The following TPPP variants were observed in gnomAD, a reference collection of about 807,000 sequenced individuals.
TPPP encodes tubulin polymerization promoting protein.
A neutral mutation model predicts 15.5 loss-of-function variants in TPPP; 6 were observed. The observed-to-expected ratio is 0.39, with a 90% CI of 0.21 to 0.77. TPPP has a LOEUF of 0.77. TPPP is among the 30% of genes least tolerant of loss of function. TPPP has a pLI of 0.42. For synonymous variants in TPPP, 146 were observed against 133.9 expected, an observed-to-expected ratio of 1.09 and a Z score of -0.63; for missense variants, 269 against 307.2, an observed-to-expected ratio of 0.88 and a Z score of 0.93.
intron 1 of TPPP, among the ~76,000 whole-genome samples, chr5:685,918 T>G (rs1342485205): frequency 6.6e-6 from 1 of 152,088 alleles, no homozygotes; most frequent in Non-Finnish European, 1.5e-5. Context: ...TCCAGAGCAC[T>G]ATGGCTGAGT....
intron 2 of TPPP, 116 bp from the exon 3 acceptor site, chr5:666,239 C>T (rs1451328602): frequency 1.6e-6 from 2 of 1,227,890 alleles, no homozygotes; most frequent in East Asian, 2.4e-5. Context: ...AGGCTTCACC[C>T]ACAGGCGGCC....
At chr5:692,528 C>A (rs1345191591) in intron 1 of TPPP, 1 of 972,446 alleles carries the variant, frequency 1.0e-6, no homozygotes, top group African/African-American at 1.8e-5. Context: ...AAACAGCAGC[C>A]CCGCCACTGC....
At chr5:698,327 G>A (rs1231026272), upstream of TPPP, among the ~76,000 whole-genome samples, 1 of 152,064 alleles carries the variant, frequency 6.6e-6, no homozygotes, top group Non-Finnish European at 1.5e-5. Flanking sequence ...AATCAGGCAA[G>A]AGAAAGAAAT....
chr5:671,993 C>A (rs1740239627), intron 2 of TPPP, among the ~76,000 whole-genome samples: 1 of 152,222 alleles, frequency 6.6e-6, no homozygotes, highest in Non-Finnish European at 1.5e-5. Flanking sequence ...GATGGACAGA[C>A]AGGAGGACGT....
chr5:698,878 C>T, the TPPP span, among the ~76,000 whole-genome samples: 2 of 151,944 alleles, frequency 1.3e-5, no homozygotes, highest in Non-Finnish European at 2.9e-5. Context: ...ACACCAATAA[C>T]AATCTGGCCA....
Position 666,013 on chromosome 5 carries a change from T to C in TPPP, c.422A>G (p.His141Arg). 1 of 1,591,766 alleles carries C rather than the reference T, an allele frequency of 6.3e-7. No individual in the cohort carries two copies. ...KSSEEAVREV[H>R]RLIEGKAPII... The stretch of plus-strand genomic sequence containing the variant: ...GGGCGCCTTGCCCTCGATGAGCCTG[T>C]GCACCTCGCGAACGGCCTCCTCGCT... The change falls in exon 3 of 4, where the codon CAC becomes CGC. Residue 141 changes from histidine to arginine, a missense_variant. Physicochemically the swap from His to Arg is conservative, Grantham distance 29. Coordinates refer to ENST00000360578, the MANE Select transcript of TPPP (RefSeq NM_007030.3).
chr5:681,716 A>G (rs1284493692), intron 1 of TPPP, among the ~76,000 whole-genome samples: 4 of 139,866 alleles, frequency 2.9e-5, no homozygotes, highest in Admixed American at 1.4e-4. Flanking sequence ...GGAGGATGGC[A>G]CCTACGGGCT....
At position 662,854 on chromosome 5, in the gene TPPP, G is replaced by A. The variant is rs1486815372; in HGVS notation, c.*2248C>T. The A allele has an allele frequency of 6.6e-6, 1 of 152,456 alleles. No homozygotes were observed. The highest frequency in any genetic ancestry group is 2.4e-5 in the African/African-American group (1 of 41,454). 9.4% of individuals were successfully genotyped at this position (152,456 alleles called of 1,614,324 possible). The stretch of plus-strand genomic sequence containing the variant: ...TGATGGGCTGTTATCGGGTGATTCC[G>A]GTGGCCACTCGTCTGTGATCGGGTG... On this transcript the variant is annotated 3_prime_UTR_variant, in exon 4 of 4. Coordinates refer to ENST00000360578, the MANE Select transcript of TPPP (RefSeq NM_007030.3).
At position 661,017 on chromosome 5, in the gene TPPP, G is replaced by A. The variant is rs1320960148; in HGVS notation, c.*4085C>T. ...CTACAATATTTTAAACATATAATTT[G>A]AACTTTAATTTTGGTAACGCTAATT... On this transcript the variant is annotated 3_prime_UTR_variant, in exon 4 of 4. Coordinates refer to ENST00000360578, the MANE Select transcript of TPPP (RefSeq NM_007030.3). 1.3e-5 allele frequency: 2 copies of A among 152,212 alleles called. No individual in the cohort carries two copies. The highest frequency in any genetic ancestry group is 4.8e-5 in the African/African-American group (2 of 41,426). 9.4% of individuals were successfully genotyped at this position (152,212 alleles called of 1,614,324 possible). A position where few individuals can be genotyped will look rare whatever the true frequency, so the allele number is the denominator to read the frequency against.
intron 2 of TPPP, 35 bp from the exon 3 acceptor site, chr5:666,158 G>C (rs1268732599): frequency 1.9e-6 from 3 of 1,542,210 alleles, no homozygotes; most frequent in African/African-American, 1.7e-5. Flanking sequence ...GCTGGGCGCG[G>C]GCCGGCCCAG....
chr5:661,756 C>T lies in TPPP; in HGVS notation c.*3346G>A, dbSNP rs1018303564. The T allele has an allele frequency of 2.0e-5, 3 of 152,410 alleles. No homozygotes were observed. Among genetic ancestry groups the T allele is most frequent in the Admixed American group, 6.5e-5 (1 of 15,288 alleles). The allele number at this position is 152,410 out of a possible 1,614,324, so 9.4% of individuals were successfully genotyped here. On this transcript the variant is annotated 3_prime_UTR_variant, in exon 4 of 4. Transcript: ENST00000360578. The stretch of plus-strand genomic sequence containing the variant: ...AAGTTGTAACTGACAGTGGTGACCA[C>T]TATGTCCTCGTGACTTTATTTTTGC...
chr5:678,858 G>A (rs1274458507), intron 1 of TPPP, among the ~76,000 whole-genome samples: 1 of 152,196 alleles, frequency 6.6e-6, no homozygotes, highest in African/African-American at 2.4e-5. Context: ...CAGGGCTTGG[G>A]GACGCAGGGC....
chr5:683,509 G>T (rs1740684298), intron 1 of TPPP, among the ~76,000 whole-genome samples: 3 of 146,642 alleles, frequency 2.0e-5, no homozygotes, highest in African/African-American at 7.9e-5. Context: ...GGGTTCCCTG[G>T]TGATTTGGAG....
upstream of TPPP, among the ~76,000 whole-genome samples, chr5:695,562 A>G (rs540445199): frequency 2.7e-5 from 4 of 150,188 alleles, no homozygotes; most frequent in Non-Finnish European, 5.9e-5. Context: ...GGAGGCCAGA[A>G]GTCCGAGATC....
Position 662,535 on chromosome 5 carries a change from C to T in TPPP, c.*2567G>A, listed in dbSNP as rs11749223. 795 of 152,586 alleles carry T rather than the reference C, an allele frequency of 5.2e-3. 5 individuals are homozygous for T. Among genetic ancestry groups the T allele is most frequent in the Non-Finnish European group, 8.2e-3 (560 of 68,178 alleles). 9.5% of individuals were successfully genotyped at this position (152,586 alleles called of 1,614,324 possible). On this transcript the variant is annotated 3_prime_UTR_variant, in exon 4 of 4. Coordinates refer to ENST00000360578, the MANE Select transcript of TPPP (RefSeq NM_007030.3). ...ACCCGCCCTTCCCTCCGTCCTGACC[C>T]GGCGCCAGGCTCAGCTCCAGGGCGA...
At chr5:700,226 T>C in the TPPP span, among the ~76,000 whole-genome samples, 2 of 151,932 alleles carry the variant, frequency 1.3e-5, no homozygotes, top group Admixed American at 6.6e-5. Flanking sequence ...TTAAAGAAAA[T>C]GTAGCATATA....
rs1327176985 is a variant in TPPP, at chr5:664,809, AC to A, written c.*292del. ...TTTAAAACGCCCCTTTGACCTGCAA[AC>A]CACGTGCCCAGTGTGGTGTGATCCG... On this transcript the variant is annotated 3_prime_UTR_variant, in exon 4 of 4. Coordinates refer to ENST00000360578, the MANE Select transcript of TPPP (RefSeq NM_007030.3). The A allele has an allele frequency of 2.7e-6, 1 of 370,004 alleles. No individual in the cohort carries two copies. Among genetic ancestry groups the A allele is most frequent in the Non-Finnish European group, 4.9e-6 (1 of 202,412 alleles). The allele number at this position is 370,004 out of a possible 1,614,324, so 22.9% of individuals were successfully genotyped here. A position where few individuals can be genotyped will look rare whatever the true frequency, so the allele number is the denominator to read the frequency against.
At chr5:674,331 A>AG (rs981088020) in intron 2 of TPPP, among the ~76,000 whole-genome samples, 1 of 143,658 alleles carries the variant, frequency 7.0e-6, no homozygotes, top group Non-Finnish European at 1.5e-5. Context: ...AGGACACCTG[A>AG]GGGGGAGGAG....
At chr5:676,931 C>T (rs1187185110) in intron 2 of TPPP, among the ~76,000 whole-genome samples, 4 of 145,760 alleles carry the variant, frequency 2.7e-5, no homozygotes, top group South Asian at 2.1e-4. Context: ...GAAACGCACG[C>T]GCGCACACGA....
Sources: gnomAD v4.1 joint callset for allele counts (sites outside exome capture counted in the v4.1 genomes callset) on GRCh38, gnomAD v4.1.1 for gene constraint, MANE v1.5 for transcripts, NCBI Gene and HGNC (gene_info 2026-07-23, HGNC 2026-07-21) for gene names.